PXDNL: variants seen among roughly 807,000 people sequenced by gnomAD.
The protein encoded by PXDNL is probable oxidoreductase PXDNL.
In PXDNL, 145 loss-of-function variants were observed where a neutral mutation model predicts 150.8. The ratio of observed to expected loss-of-function variants is 0.96; its 90% confidence interval spans 0.84 to 1.10. The LOEUF is 1.10. Ranked by LOEUF, PXDNL falls within the 50% of genes least tolerant of loss-of-function variation. The pLI is 0.00. For synonymous variants in PXDNL, 757 were observed against 725.7 expected, an observed-to-expected ratio of 1.04 and a Z score of -0.69; for missense variants, 2,087 against 1,873.9, an observed-to-expected ratio of 1.11 and a Z score of -2.10.
chr8:51,472,801 T>G (rs1474779678), intron 7 of PXDNL, among the ~76,000 whole-genome samples: 2 of 152,158 alleles, frequency 1.3e-5, no homozygotes, highest in African/African-American at 4.8e-5. Context: ...CAATAATAAT[T>G]GAGTGGTAAA....
chr8:51,375,114 A>G (rs1416737592), intron 17 of PXDNL, among the ~76,000 whole-genome samples: 1 of 152,250 alleles, frequency 6.6e-6, no homozygotes, highest in African/African-American at 2.4e-5. Context: ...AAAATTAACA[A>G]TTCAGCATTG....
intron 10 of PXDNL, among the ~76,000 whole-genome samples, chr8:51,452,574 T>C (rs1249479910): frequency 1.3e-5 from 2 of 152,218 alleles, no homozygotes; most frequent in East Asian, 3.9e-4. Context: ...AAGATCACTC[T>C]TGGGGCCACT....
At chr8:51,460,696 G>A (rs1313950355) in intron 8 of PXDNL, among the ~76,000 whole-genome samples, 1 of 151,750 alleles carries the variant, frequency 6.6e-6, no homozygotes, top group East Asian at 1.9e-4. Context: ...CCCCCACAAT[G>A]GACCTCTGGG....
intron 2 of PXDNL, among the ~76,000 whole-genome samples, chr8:51,610,635 T>C (rs530115772): frequency 1.3e-5 from 2 of 152,182 alleles, no homozygotes; most frequent in Non-Finnish European, 2.9e-5. Flanking sequence ...AGTACAGGCA[T>C]GGCTCTGTTG....
chr8:51,761,759 G>T (rs1004754734), intron 1 of PXDNL, among the ~76,000 whole-genome samples: 49 of 152,150 alleles, frequency 3.2e-4, no homozygotes, highest in African/African-American at 1.1e-3. Flanking sequence ...GTATTCCAAA[G>T]ATGCTTAGTG....
chr8:51,732,293 C>A (rs1005626927), intron 1 of PXDNL, among the ~76,000 whole-genome samples: 1 of 152,204 alleles, frequency 6.6e-6, no homozygotes, highest in Non-Finnish European at 1.5e-5. Flanking sequence ...CAAAATGCCA[C>A]CAGACTCTTT....
intron 8 of PXDNL, among the ~76,000 whole-genome samples, chr8:51,471,595 G>C (rs1164993749): frequency 6.6e-6 from 1 of 151,796 alleles, no homozygotes; most frequent in East Asian, 1.9e-4. Flanking sequence ...AAACTAGTTT[G>C]TTATTAATCC....
At chr8:51,603,670 C>T (rs1813777428) in intron 2 of PXDNL, among the ~76,000 whole-genome samples, 1 of 151,972 alleles carries the variant, frequency 6.6e-6, no homozygotes, top group African/African-American at 2.4e-5. Context: ...TTTACTTTCT[C>T]TTTTCCATAA....
At position 51,483,629 on chromosome 8, in the gene PXDNL, T is replaced by A; in HGVS notation, c.524+14A>T. On this transcript the variant is annotated intron_variant, in intron 6 of 22. Coordinates refer to ENST00000356297, the MANE Select transcript of PXDNL (RefSeq NM_144651.5). ...ATAAAAGGTTTTTGTGTTAATGCAC[T>A]TGCTTTCACTTACAATCTTTTTAAT... 1 of 1,474,140 alleles carries A rather than the reference T, an allele frequency of 6.8e-7. No homozygotes were observed. The highest frequency in any genetic ancestry group is 9.2e-7 in the Non-Finnish European group (1 of 1,081,562). 91.3% of individuals were successfully genotyped at this position (1,474,140 alleles called of 1,614,324 possible).
chr8:51,382,349 A>G (rs146101284), intron 17 of PXDNL, among the ~76,000 whole-genome samples: 16 of 152,312 alleles, frequency 1.1e-4, no homozygotes, highest in African/African-American at 3.6e-4. Flanking sequence ...CCAGACTTCC[A>G]GACTCCAGAA....
In PXDNL at chr8:51,453,556, G is replaced by T; in HGVS notation, c.1212C>A (p.His404Gln). 6.2e-7 allele frequency: 1 copy of T among 1,614,010 alleles called. No individual in the cohort carries two copies. Among genetic ancestry groups the T allele is most frequent in the Non-Finnish European group, 8.5e-7 (1 of 1,179,876 alleles). The change falls in exon 10 of 23, where the codon CAC becomes CAA. Residue 404 changes from histidine to glutamine, a missense_variant. Transcript: ENST00000356297. ...TGTTTGCTGCAGCTTGAACAGTGCC[G>T]TGGCTATTGTTGGCATGACAGGTAA... ...GRFTCHANNSHGTVQAAANII... is the reference protein window; with the variant it reads ...GRFTCHANNSQGTVQAAANII...
At chr8:51,480,503 GC>G (rs1191168440) in intron 6 of PXDNL, among the ~76,000 whole-genome samples, 1 of 152,154 alleles carries the variant, frequency 6.6e-6, no homozygotes, top group Non-Finnish European at 1.5e-5. Context: ...GGAAGGATCT[GC>G]CCCCATGAAC....
At chr8:51,407,076 A>AC (rs1411461983) in intron 17 of PXDNL, among the ~76,000 whole-genome samples, 1 of 152,198 alleles carries the variant, frequency 6.6e-6, no homozygotes, top group Non-Finnish European at 1.5e-5. Flanking sequence ...AAAACTGTTT[A>AC]CTTTTCACAG....
At chr8:51,534,872 C>T (rs1812028399) in intron 4 of PXDNL, among the ~76,000 whole-genome samples, 1 of 117,066 alleles carries the variant, frequency 8.5e-6, no homozygotes, top group African/African-American at 4.4e-5. Flanking sequence ...CCTGGCCAGC[C>T]GCCCCGTCCG....
At chr8:51,599,060 A>T (rs6992250) in intron 2 of PXDNL, among the ~76,000 whole-genome samples, 71,221 of 151,938 alleles carry the variant, frequency 0.47, 21,098 homozygotes, top group African/African-American at 0.84. Context: ...TCTTTTGTAT[A>T]TCTGTAGGAT....
chr8:51,422,864 G>C (rs1808991607), intron 14 of PXDNL, among the ~76,000 whole-genome samples: 1 of 152,148 alleles, frequency 6.6e-6, no homozygotes, highest in Admixed American at 6.5e-5. Flanking sequence ...TTAACAGCCT[G>C]TGTCCACTTG....
At chr8:51,689,918 G>C (rs369651235) in intron 1 of PXDNL, among the ~76,000 whole-genome samples, 1 of 152,174 alleles carries the variant, frequency 6.6e-6, no homozygotes, top group Non-Finnish European at 1.5e-5. Context: ...ATGTCTCCTC[G>C]AGGTTCACAG....
chr8:51,803,588 T>G (rs988837748), intron 1 of PXDNL, among the ~76,000 whole-genome samples: 13 of 152,186 alleles, frequency 8.5e-5, no homozygotes, highest in Admixed American at 3.3e-4. Flanking sequence ...GTAGATGTGT[T>G]CCTCTGTCTC....
At chr8:51,539,051 C>T (rs75598793) in intron 4 of PXDNL, among the ~76,000 whole-genome samples, 2,599 of 152,194 alleles carry the variant, frequency 0.017, 33 homozygotes, top group African/African-American at 0.029. Context: ...TTGTTCTTCA[C>T]CTTAAGAGTT....
Sources: gnomAD v4.1 joint callset for allele counts (sites outside exome capture counted in the v4.1 genomes callset) on GRCh38, gnomAD v4.1.1 for gene constraint, MANE v1.5 for transcripts, NCBI Gene and HGNC (gene_info 2026-07-23, HGNC 2026-07-21) for gene names.